The following TTC4 variants were observed in gnomAD, a reference collection of about 807,000 sequenced individuals.
The protein encoded by TTC4 is tetratricopeptide repeat domain 4.
In TTC4, 36 loss-of-function variants were observed where a neutral mutation model predicts 51.9. The ratio of observed to expected loss-of-function variants is 0.69; its 90% CI spans 0.53 to 0.92. TTC4 has a LOEUF of 0.92. TTC4 is among the 40% of genes least tolerant of loss of function. The pLI, the probability that TTC4 is intolerant of heterozygous loss-of-function variation, is 0.00. For missense variants in TTC4, 399 were observed against 454.6 expected, an observed-to-expected ratio of 0.88 and a Z score of 1.11; for synonymous variants, 144 against 164.2, an observed-to-expected ratio of 0.88 and a Z score of 0.94.
intron 9 of TTC4, among the ~76,000 whole-genome samples, chr1:54,739,131 G>A (rs1026270314): frequency 7.9e-5 from 12 of 151,436 alleles, no homozygotes; most frequent in South Asian, 4.2e-4. Flanking sequence ...CTCAGCCTCC[G>A]AAAGTGCTGA....
intron 6 of TTC4, among the ~76,000 whole-genome samples, chr1:54,729,747 G>T (rs1443424501): frequency 6.9e-6 from 1 of 145,914 alleles, no homozygotes; most frequent in African/African-American, 2.5e-5. Flanking sequence ...TTTTTGAGAT[G>T]GAATGTCTCT....
At position 54,719,741 on chromosome 1, in the gene TTC4, T is replaced by C. The variant is rs1046452542; in HGVS notation, c.392-1422T>C. Among the ~76,000 whole-genome samples the C allele has an allele frequency of 8.5e-5, 13 of 152,292 alleles. No homozygotes were observed. The East Asian group carries it at 2.5e-3, about 29-fold the overall frequency. The stretch of plus-strand genomic sequence containing the variant: ...CTGCTATTGTTGAGTATATAGACTG[T>C]TTTTTGGTTTTTATAAATAATGCAA... On this transcript the variant is annotated intron_variant, in intron 3 of 9. Coordinates refer to ENST00000371281, the MANE Select transcript of TTC4 (RefSeq NM_004623.5).
At chr1:54,728,543 T>A in intron 6 of TTC4, 111 bp downstream of exon 6, 2 of 1,146,300 alleles carry the variant, frequency 1.7e-6, no homozygotes, top group Non-Finnish European at 2.4e-6. Context: ...GTTCATTTTC[T>A]TTCTACTTTG....
Position 54,742,245 on chromosome 1 carries a change from C to T in TTC4, c.*732C>T, listed in dbSNP as rs41297865. The T allele has an allele frequency of 0.12, 17,615 of 152,210 alleles. 1,682 individuals carry two copies. The highest frequency in any genetic ancestry group is 0.25 in the African/African-American group (10,523 of 41,476). 9.4% of individuals were successfully genotyped at this position (152,210 alleles called of 1,614,324 possible). A position where few individuals can be genotyped will look rare whatever the true frequency, so the allele number is the denominator to read the frequency against. On this transcript the variant is annotated 3_prime_UTR_variant, in exon 10 of 10. Coordinates refer to ENST00000371281, the MANE Select transcript of TTC4 (RefSeq NM_004623.5). The stretch of plus-strand genomic sequence containing the variant: ...AATCTTCTAGCATGTTGGGTTGTTA[C>T]AGAGTATATTTTTGTCTGCAGCTGT...
At chr1:54,737,431 T>C (rs977490860) in intron 8 of TTC4, 151 bp from the exon 9 acceptor site, 1 of 589,048 alleles carries the variant, frequency 1.7e-6, no homozygotes, top group East Asian at 2.9e-5. Flanking sequence ...GGCGGGGGGG[T>C]ACTAAATGCA....
At chr1:54,727,509 T>G (rs116567330) in intron 5 of TTC4, among the ~76,000 whole-genome samples, 5,092 of 152,058 alleles carry the variant, frequency 0.033, 264 homozygotes, top group African/African-American at 0.11. Flanking sequence ...TAAAAACTTT[T>G]TGCTTCAAAG....
At chr1:54,717,031 A>G (rs947153469) in intron 2 of TTC4, among the ~76,000 whole-genome samples, 16 of 152,168 alleles carry the variant, frequency 1.1e-4, no homozygotes, top group African/African-American at 3.4e-4. Flanking sequence ...GGAACACTTT[A>G]AGGAGCAGGA....
intron 8 of TTC4, among the ~76,000 whole-genome samples, chr1:54,736,100 T>TA (rs1645928742): frequency 6.8e-6 from 1 of 147,838 alleles, no homozygotes; most frequent in African/African-American, 2.5e-5. Flanking sequence ...ACAATGGGGG[T>TA]AGAGAGGCAA....
In TTC4 at chr1:54,741,649, G is replaced by A; in HGVS notation, c.*136G>A. ...GGGGATAGTCCTTCCTGGCATCGTG[G>A]TGGGGGAGGAGCCTCTGGCTTCCCT... On this transcript the variant is annotated 3_prime_UTR_variant, in exon 10 of 10. Transcript: ENST00000371281. 2 of 728,402 alleles carry A rather than the reference G, an allele frequency of 2.7e-6. No individual in the cohort carries two copies. Among genetic ancestry groups the A allele is most frequent in the Non-Finnish European group, 4.6e-6 (2 of 435,082 alleles). 45.1% of individuals were successfully genotyped at this position (728,402 alleles called of 1,614,324 possible).
At chr1:54,727,688 CAAAAAAAAAA>C (rs200521894) in intron 5 of TTC4, among the ~76,000 whole-genome samples, 5 of 43,616 alleles carry the variant, frequency 1.1e-4, no homozygotes, top group South Asian at 1.1e-3. Flanking sequence ...CTCATCTCTA[CAAAAAAAAAA>C]AAAAAAAAAA....
Position 54,722,672 on chromosome 1 carries a change from C to A in TTC4, c.470-3C>A. ...TGAATCCTAAGGGTTCTGGGTTCTG[C>A]AGGTGCCTTATGCCATCTGGAACTG... On this transcript the variant is annotated splice_region_variant and splice_polypyrimidine_tract_variant and intron_variant, in intron 4 of 9. Coordinates refer to ENST00000371281, the MANE Select transcript of TTC4 (RefSeq NM_004623.5). The A allele has an allele frequency of 1.2e-6, 2 of 1,613,480 alleles. No individual in the cohort carries two copies. The highest frequency in any genetic ancestry group is 2.2e-5 in the South Asian group (2 of 90,986).
At chr1:54,737,860 AC>A (rs1645966098) in intron 9 of TTC4, among the ~76,000 whole-genome samples, 196 bp downstream of exon 9, 1 of 152,238 alleles carries the variant, frequency 6.6e-6, no homozygotes, top group African/African-American at 2.4e-5. Flanking sequence ...GTCACCTCTT[AC>A]GTGGATGGCG....
chr1:54,725,631 A>G (rs1377527358), intron 5 of TTC4, among the ~76,000 whole-genome samples: 1 of 152,230 alleles, frequency 6.6e-6, no homozygotes, highest in Non-Finnish European at 1.5e-5. Flanking sequence ...CATTAGCTAG[A>G]GGAAGCCTAG....
At chr1:54,732,694 G>A (rs112059817) in intron 7 of TTC4, among the ~76,000 whole-genome samples, 18,009 of 151,608 alleles carry the variant, frequency 0.12, 1,789 homozygotes, top group African/African-American at 0.26. Flanking sequence ...TCCTGGGCTC[G>A]AATGTTCCTC....
intron 8 of TTC4, among the ~76,000 whole-genome samples, chr1:54,735,941 A>G (rs574750043): frequency 6.6e-6 from 1 of 152,198 alleles, no homozygotes; most frequent in African/African-American, 2.4e-5. Flanking sequence ...GCTTTCTTAC[A>G]TAGGATGTTC....
At chr1:54,728,278 G>T in intron 5 of TTC4, 68 bp from the exon 6 acceptor site, 1 of 1,410,156 alleles carries the variant, frequency 7.1e-7, no homozygotes, top group Non-Finnish European at 9.8e-7. Flanking sequence ...AATAATTTAG[G>T]AGCAGGCTAG....
intron 7 of TTC4, among the ~76,000 whole-genome samples, chr1:54,733,154 A>G (rs1026507735): frequency 1.3e-4 from 19 of 147,524 alleles, no homozygotes; most frequent in Middle Eastern, 3.4e-3. Flanking sequence ...CAGGGCTCAC[A>G]CCTGTAATCC....
intron 5 of TTC4, among the ~76,000 whole-genome samples, chr1:54,724,044 G>T (rs1041074689): frequency 6.6e-6 from 1 of 152,166 alleles, no homozygotes; most frequent in Admixed American, 6.5e-5. Flanking sequence ...GGCTACTGGG[G>T]ACAGTCACAA....
At chr1:54,716,839 C>A in intron 2 of TTC4, 122 bp downstream of exon 2, 1 of 752,580 alleles carries the variant, frequency 1.3e-6, no homozygotes, top group Non-Finnish European at 2.1e-6. Flanking sequence ...ATTATTCATT[C>A]CAATATACTT....
Sources: gnomAD v4.1 joint callset for allele counts (sites outside exome capture counted in the v4.1 genomes callset) on GRCh38, gnomAD v4.1.1 for gene constraint, MANE v1.5 for transcripts, NCBI Gene and HGNC (gene_info 2026-07-23, HGNC 2026-07-21) for gene names.